Variants in ZNHIT6 observed in about 807,000 individuals in gnomAD.
ZNHIT6 encodes the protein box C/D snoRNA protein 1.
In ZNHIT6, 45 loss-of-function variants were observed where a neutral mutation model predicts 57.2. The observed-to-expected ratio is 0.79, with a 90% CI of 0.62 to 1.01. ZNHIT6 has a LOEUF of 1.01. Ranked by LOEUF, ZNHIT6 falls within the 50% of genes least tolerant of loss-of-function variation. ZNHIT6 has a pLI of 0.00. For synonymous variants in ZNHIT6, 188 were observed against 190.0 expected, an observed-to-expected ratio of 0.99 and a Z score of 0.09; for missense variants, 528 against 567.3, an observed-to-expected ratio of 0.93 and a Z score of 0.70.
intron 5 of ZNHIT6, among the ~76,000 whole-genome samples, chr1:85,701,714 T>C (rs1262031059): frequency 6.6e-6 from 1 of 152,186 alleles, no homozygotes; most frequent in African/African-American, 2.4e-5. Flanking sequence ...TCTTGGTATC[T>C]TAGTTCTCAA....
At chr1:85,655,536 ATT>A (rs1270373374) in intron 9 of ZNHIT6, among the ~76,000 whole-genome samples, 1 of 152,188 alleles carries the variant, frequency 6.6e-6, no homozygotes, top group Non-Finnish European at 1.5e-5. Context: ...ATTAATAAAG[ATT>A]TTTAGCAGTA....
chr1:85,705,202 C>A (rs1302267737), intron 4 of ZNHIT6, among the ~76,000 whole-genome samples: 2 of 152,176 alleles, frequency 1.3e-5, no homozygotes, highest in East Asian at 3.9e-4. Context: ...GAATTAGAAA[C>A]CCTCACCAGT....
intron 8 of ZNHIT6, among the ~76,000 whole-genome samples, chr1:85,673,589 T>C (rs944565785): frequency 4.6e-5 from 7 of 152,204 alleles, no homozygotes; most frequent in African/African-American, 1.7e-4. Context: ...GCTGTAAATG[T>C]AGAATTAAAC....
chr1:85,708,301 G>A lies in ZNHIT6; in HGVS notation c.-17C>T. ...AAACTCCATCAACTCACGATCCTTG[G>A]CCTCTGCTGCCACTCTATCCTTCAA... On this transcript the variant is annotated 5_prime_UTR_variant, in exon 1 of 10. Transcript: ENST00000370574. 1 of 1,577,554 alleles carries A rather than the reference G, an allele frequency of 6.3e-7. No individual in the cohort carries two copies. The highest frequency in any genetic ancestry group is 2.3e-5 in the East Asian group (1 of 44,338).
chr1:85,706,620 T>C, intron 1 of ZNHIT6, 113 bp from the exon 2 acceptor site: 1 of 942,094 alleles, frequency 1.1e-6, no homozygotes, highest in Non-Finnish European at 1.5e-6. Context: ...ATAAAATATT[T>C]GATAGCTGTT....
intron 5 of ZNHIT6, among the ~76,000 whole-genome samples, chr1:85,691,940 G>A (rs1166059234): frequency 1.3e-5 from 2 of 152,042 alleles, no homozygotes; most frequent in Non-Finnish European, 2.9e-5. Context: ...AGGCCAAAGC[G>A]GGTGGATTAC....
At position 85,690,015 on chromosome 1, in the gene ZNHIT6, T is replaced by C. The variant is rs143304832; in HGVS notation, c.1020-9111A>G. Among the ~76,000 whole-genome samples the C allele has an allele frequency of 2.3e-4, 35 of 152,264 alleles. 1 individual carries two copies. The East Asian group carries it at 6.4e-3, about 28-fold the overall frequency. ...GGAGAAAATATGTACTATAGGAACC[T>C]AGGTAAAAGAGACATAATGGAGAAG... On this transcript the variant is annotated intron_variant, in intron 5 of 9. Transcript: ENST00000370574.
intron 8 of ZNHIT6, among the ~76,000 whole-genome samples, chr1:85,672,840 A>G (rs1377628015): frequency 6.6e-6 from 1 of 152,172 alleles, no homozygotes; most frequent in Non-Finnish European, 1.5e-5. Context: ...CAAAGCAGCA[A>G]AGTAAACATA....
In ZNHIT6 at chr1:85,657,863, C is replaced by G; in HGVS notation, c.1356G>C (p.Met452Ile). Reference sequence around the variant, plus strand: ...TACACTTACCTTGGTGAAGAACTTTCATGTCATTATTGGATCCTTTCAATA... The same window carrying G: ...TACACTTACCTTGGTGAAGAACTTTGATGTCATTATTGGATCCTTTCAATA... ...HVVLKGSNND[M>I]KVLHQVKSES... The change falls in exon 9 of 10, where the codon ATG becomes ATC. Residue 452 changes from methionine (M) to isoleucine (I), a missense_variant. Coordinates refer to ENST00000370574, the MANE Select transcript of ZNHIT6 (RefSeq NM_017953.4). 1 of 1,607,424 alleles carries G rather than the reference C, an allele frequency of 6.2e-7. No individual in the cohort carries two copies.
intron 5 of ZNHIT6, among the ~76,000 whole-genome samples, chr1:85,699,101 T>A (rs1274541637): frequency 6.6e-6 from 1 of 152,122 alleles, no homozygotes; most frequent in Non-Finnish European, 1.5e-5. Context: ...AACCAACTTT[T>A]GAAAAGTTAA....
intron 1 of ZNHIT6, among the ~76,000 whole-genome samples, 187 bp from the exon 2 acceptor site, chr1:85,706,694 T>C (rs1392536295): frequency 6.6e-6 from 1 of 152,204 alleles, no homozygotes; most frequent in Non-Finnish European, 1.5e-5. Context: ...CCAATGTTGT[T>C]AGTGATATGT....
intron 9 of ZNHIT6, among the ~76,000 whole-genome samples, chr1:85,656,799 C>G (rs1661072542): frequency 6.6e-6 from 1 of 152,044 alleles, no homozygotes; most frequent in African/African-American, 2.4e-5. Context: ...AGCACTGATA[C>G]AATTTTGGCC....
In ZNHIT6 at chr1:85,657,394, T is replaced by C. The variant is rs184893822; in HGVS notation, c.1372+453A>G. 1.0e-3 allele frequency among the ~76,000 whole-genome samples: 153 copies of C among 150,942 alleles called. 1 individual carries two copies. The highest frequency in any genetic ancestry group is 3.6e-3 in the African/African-American group (149 of 41,200). On this transcript the variant is annotated intron_variant, in intron 9 of 9. Coordinates refer to ENST00000370574, the MANE Select transcript of ZNHIT6 (RefSeq NM_017953.4). ...AATGTTCCTTGCAACATTTTCTCCT[T>C]CTATAAGGTAGGATACTAGGCTTTT...
At chr1:85,673,362 C>T (rs1237420431) in intron 8 of ZNHIT6, among the ~76,000 whole-genome samples, 38 of 152,154 alleles carry the variant, frequency 2.5e-4, no homozygotes, top group Admixed American at 2.5e-3. Context: ...TAGCGAATTC[C>T]TTAGATTAGA....
At chr1:85,672,849 T>C (rs1471377193) in intron 8 of ZNHIT6, among the ~76,000 whole-genome samples, 1 of 147,132 alleles carries the variant, frequency 6.8e-6, no homozygotes, top group Admixed American at 6.7e-5. Context: ...AAAGTAAACA[T>C]AAAAAACAAA....
At chr1:85,690,694 G>A (rs1163772039) in intron 5 of ZNHIT6, among the ~76,000 whole-genome samples, 1 of 152,184 alleles carries the variant, frequency 6.6e-6, no homozygotes, top group Non-Finnish European at 1.5e-5. Context: ...TTTTCAGGTA[G>A]AGGTAAACAT....
chr1:85,696,852 C>CTTTTTTTT (rs67507264), intron 5 of ZNHIT6, among the ~76,000 whole-genome samples: 1 of 113,692 alleles, frequency 8.8e-6, no homozygotes. Flanking sequence ...ACCATCTATT[C>CTTTTTTTT]TTTTTTTTTT....
At chr1:85,702,299 T>G in intron 4 of ZNHIT6, 39 bp from the exon 5 acceptor site, 1 of 1,241,662 alleles carries the variant, frequency 8.1e-7, no homozygotes, top group Non-Finnish European at 1.2e-6. Context: ...AATTTTTAAA[T>G]TCCTTAAATT....
chr1:85,667,961 A>AAAAAAAAAAATGTATATATATATATAT, intron 8 of ZNHIT6, among the ~76,000 whole-genome samples: 1 of 18,202 alleles, frequency 5.5e-5, no homozygotes, highest in Non-Finnish European at 9.9e-5. Context: ...AAAAAAAAAA[A>AAAAAAAAAAATGTATATATATATATAT]ATATATATAT....
Sources: allele counts gnomAD v4.1 joint callset (sites outside exome capture counted in the v4.1 genomes callset), GRCh38; gene constraint gnomAD v4.1.1; transcripts MANE v1.5; gene names NCBI Gene and HGNC (gene_info 2026-07-23, HGNC 2026-07-21).